The following WASHC2A variants were observed in gnomAD, a reference collection of about 807,000 sequenced individuals.
WASHC2A encodes the protein WASH complex subunit FAM21A.
In WASHC2A, 82 loss-of-function variants were observed where a neutral mutation model predicts 140.3. The ratio of observed to expected loss-of-function variants is 0.58; its 90% CI spans 0.49 to 0.70. WASHC2A has a LOEUF of 0.70. Ranked by LOEUF, WASHC2A falls within the 30% of genes least tolerant of loss-of-function variation. The probability of loss-of-function intolerance (pLI) is 0.00; values close to 1 mark genes in which losing one functional copy is unlikely to be tolerated. For missense variants in WASHC2A, 985 were observed against 1,521.8 expected, an observed-to-expected ratio of 0.65 and a Z score of 5.87; for synonymous variants, 340 against 560.8, an observed-to-expected ratio of 0.61 and a Z score of 5.56.
intron 5 of WASHC2A, among the ~76,000 whole-genome samples, chr10:50,082,882 C>T (rs1554880101): frequency 8.2e-6 from 1 of 122,288 alleles, no homozygotes; most frequent in African/African-American, 3.3e-5. Flanking sequence ...GTCTCCTGCC[C>T]TCACTCTGTT....
At chr10:50,100,797 G>A (rs1841053640) in intron 17 of WASHC2A, among the ~76,000 whole-genome samples, 1 of 152,230 alleles carries the variant, frequency 6.6e-6, no homozygotes, top group Non-Finnish European at 1.5e-5. Context: ...ACAGCCTCTG[G>A]GACCCTGGTT....
chr10:50,082,509 T>G, intron 5 of WASHC2A, among the ~76,000 whole-genome samples: 4 of 139,456 alleles, frequency 2.9e-5, no homozygotes, highest in Admixed American at 1.5e-4. Flanking sequence ...TGAGACAGAG[T>G]TTCACTCTTG....
At chr10:50,098,022 A>G (rs1315928968) in intron 16 of WASHC2A, among the ~76,000 whole-genome samples, 1 of 151,406 alleles carries the variant, frequency 6.6e-6, no homozygotes, top group Non-Finnish European at 1.5e-5. Flanking sequence ...ACCTTGTTAC[A>G]TATCTATTTT....
In WASHC2A at chr10:50,117,753, CT is replaced by C. The variant is rs1239161503; in HGVS notation, c.2143-149del. On this transcript the variant is annotated intron_variant, in intron 21 of 30. Transcript: ENST00000282633. ...GGGTGGTGGTGTTTGTTGCTTCTCC[CT>C]TTTGGTGCTACCTTCACTATCCTGT... Among the ~76,000 whole-genome samples the C allele has an allele frequency of 3.1e-5, 4 of 130,700 alleles. No homozygotes were observed. The East Asian group carries it at 8.4e-4, about 28-fold the overall frequency. The allele number at this position is 130,700 out of a possible 152,430, so 85.7% of individuals were successfully genotyped here.
intron 11 of WASHC2A, among the ~76,000 whole-genome samples, chr10:50,092,741 G>T (rs1292086428): frequency 2.6e-5 from 4 of 151,484 alleles, no homozygotes; most frequent in African/African-American, 9.7e-5. Flanking sequence ...GTAGAGATTT[G>T]ATTTATTAGA....
chr10:50,105,046 T>G (rs1367423662), intron 18 of WASHC2A, among the ~76,000 whole-genome samples: 7 of 151,928 alleles, frequency 4.6e-5, no homozygotes, highest in Non-Finnish European at 7.4e-5. Flanking sequence ...TGTGTAGAAG[T>G]GGACCTGTGC....
At chr10:50,069,388 C>G in intron 2 of WASHC2A, 159 bp from the exon 3 acceptor site, 1 of 1,173,114 alleles carries the variant, frequency 8.5e-7, no homozygotes, top group Non-Finnish European at 1.1e-6. Context: ...CATTGTACTC[C>G]AGCCCAGGCA....
At chr10:50,088,503 G>T (rs2805150) in intron 8 of WASHC2A, among the ~76,000 whole-genome samples, 9 of 151,928 alleles carry the variant, frequency 5.9e-5, no homozygotes, top group Non-Finnish European at 1.2e-4. Flanking sequence ...CAGGCAAACC[G>T]CCCACTTCGC....
At chr10:50,077,557 G>A (rs1838478370) in intron 3 of WASHC2A, among the ~76,000 whole-genome samples, 2 of 151,894 alleles carry the variant, frequency 1.3e-5, no homozygotes. Flanking sequence ...TATACAATTT[G>A]GTGGTTTTTA....
intron 17 of WASHC2A, among the ~76,000 whole-genome samples, chr10:50,100,513 T>G (rs1169054250): frequency 6.6e-6 from 1 of 152,192 alleles, no homozygotes; most frequent in African/African-American, 2.4e-5. Flanking sequence ...AATAATCTCT[T>G]GAGAGCACAG....
chr10:50,103,585 T>G (rs1841451624), intron 17 of WASHC2A, among the ~76,000 whole-genome samples: 1 of 151,630 alleles, frequency 6.6e-6, no homozygotes, highest in Non-Finnish European at 1.5e-5. Context: ...AAGTAAGTCA[T>G]AATCTTAGGG....
rs1236937419 is a variant in WASHC2A at position 50,093,372 on chromosome 10, G to A, written c.1108G>A (p.Asp370Asn). ...LFSGGKGLFDDEDEESDLFTE... is the reference protein window; with the variant it reads ...LFSGGKGLFDNEDEESDLFTE... ...CAGTGGGGGCAAGGGGCTCTTTGAT[G>A]ATGAGGACGAGGAGGTGAGTCCATG... The change falls in exon 12 of 31, where the codon GAT becomes AAT. Residue 370 changes from aspartate to asparagine, a missense_variant. Coordinates refer to ENST00000282633, the MANE Select transcript of WASHC2A (RefSeq NM_001005751.3). The A allele has an allele frequency of 4.8e-5, 68 of 1,423,610 alleles. 12 individuals are homozygous for A. In the Admixed American group the frequency reaches 1.4e-3, roughly 28 times the overall value. 88.2% of individuals were successfully genotyped at this position (1,423,610 alleles called of 1,614,324 possible).
At position 50,069,618 on chromosome 10, in the gene WASHC2A, C is replaced by T. The variant is rs1554875506; in HGVS notation, c.198C>T (p.Asp66=). Residue 66 remains aspartate (D), a synonymous_variant, in exon 3 of 31, where the codon GAC becomes GAT. Transcript: ENST00000282633. ...CCCATGAAATCAAGAAACAAGTGGACGGACTAATTCGGGAAACCAAAGCCA... is the reference window on the plus strand; with the variant it reads ...CCCATGAAATCAAGAAACAAGTGGATGGACTAATTCGGGAAACCAAAGCCA... The part of the protein sequence containing the change: ...SRTHEIKKQV[D]GLIRETKATD... The T allele has an allele frequency of 4.3e-6, 7 of 1,613,902 alleles. No homozygotes were observed. The highest frequency in any genetic ancestry group is 2.2e-5 in the East Asian group (1 of 44,864).
intron 4 of WASHC2A, among the ~76,000 whole-genome samples, chr10:50,079,553 C>T (rs1564750162): frequency 1.3e-5 from 2 of 152,152 alleles, no homozygotes; most frequent in African/African-American, 2.4e-5. Flanking sequence ...TGTGCCACCA[C>T]GCCTGGCTAA....
Position 50,092,196 on chromosome 10 carries a change from A to C in WASHC2A, c.966A>C (p.Thr322=). The change falls in exon 11 of 31, where the codon ACA becomes ACC. Residue 322 remains threonine, a synonymous_variant. Transcript: ENST00000282633. ...LPSGEAKPRK[T]LKEKKERRTP... ...CAGGAGAAGCAAAACCTCGGAAGAC[A>C]CTCAAAGAGAAGAAGGAAAGGAGAA... is the stretch of plus-strand genomic sequence containing the variant. The C allele has an allele frequency of 3.1e-6, 5 of 1,596,240 alleles. No homozygotes were observed. The highest frequency in any genetic ancestry group is 2.2e-5 in the East Asian group (1 of 44,664).
At chr10:50,127,354 T>C in intron 27 of WASHC2A, 132 bp downstream of exon 27, 2 of 1,556,150 alleles carry the variant, frequency 1.3e-6, no homozygotes, top group South Asian at 2.3e-5. Flanking sequence ...TGCACCTAGT[T>C]GTTGTCTCCT....
chr10:50,108,889 GAAAAA>G (rs1182148936), intron 19 of WASHC2A, among the ~76,000 whole-genome samples: 5 of 75,648 alleles, frequency 6.6e-5, no homozygotes, highest in Non-Finnish European at 1.2e-4. Context: ...CTCGAAAAAG[GAAAAA>G]AAAAAAAAAA....
chr10:50,113,262 G>T (rs1331954968), intron 20 of WASHC2A, among the ~76,000 whole-genome samples: 1 of 152,074 alleles, frequency 6.6e-6, no homozygotes, highest in Admixed American at 6.6e-5. Context: ...GTAGCTACTT[G>T]AGAGGCTACT....
intron 20 of WASHC2A, among the ~76,000 whole-genome samples, chr10:50,110,734 A>T (rs1283999021): frequency 6.6e-6 from 1 of 151,512 alleles, no homozygotes; most frequent in Non-Finnish European, 1.5e-5. Flanking sequence ...CTACTAAAAA[A>T]ATATAAAAAT....
Sources: allele counts gnomAD v4.1 joint callset (sites outside exome capture counted in the v4.1 genomes callset), GRCh38; gene constraint gnomAD v4.1.1; transcripts MANE v1.5; gene names NCBI Gene and HGNC (gene_info 2026-07-23, HGNC 2026-07-21).